BNIP2: variants seen among roughly 807,000 people sequenced by gnomAD.
The protein encoded by BNIP2 is BCL2 interacting protein 2.
Under a neutral mutation model 43.4 loss-of-function variants are expected in BNIP2, and 36 were observed. The observed-to-expected ratio is 0.83, with a 90% CI of 0.64 to 1.10. BNIP2 has a LOEUF of 1.10. Ranked by LOEUF, BNIP2 falls within the 50% of genes least tolerant of loss-of-function variation. The pLI is 0.00. For missense variants in BNIP2, 417 were observed against 374.1 expected (o/e 1.11, Z -0.95); for synonymous variants, 146 against 121.0 (o/e 1.21, Z -1.35).
rs1470006146 is a variant in BNIP2, at chr15:59,688,634, C to T, written c.-58+501G>A. 1.3e-5 allele frequency: 18 copies of T among 1,397,972 alleles called. No homozygotes were observed. In the Admixed American group the frequency reaches 1.6e-4, roughly 12 times the overall value. 86.6% of individuals were successfully genotyped at this position (1,397,972 alleles called of 1,614,324 possible). On this transcript the variant is annotated intron_variant, in intron 1 of 9. Transcript: ENST00000607373. Reference sequence around the variant, plus strand: ...ACGCGGGGACTCGGCTTTTGACGTACACACTCTGTATTTGGTTTAGCGTAC... The same window carrying T: ...ACGCGGGGACTCGGCTTTTGACGTATACACTCTGTATTTGGTTTAGCGTAC...
Position 59,679,632 on chromosome 15 carries a change from T to C in BNIP2, c.255A>G (p.Leu85=). 6.2e-7 allele frequency: 1 copy of C among 1,613,368 alleles called. No homozygotes were observed. Among genetic ancestry groups the C allele is most frequent in the Non-Finnish European group, 8.5e-7 (1 of 1,179,600 alleles). ...CATTACTATTCTCTGACGGTGTGTCTAAGCCATCTAAGTCAATCTCCCCAC... is the reference window on the plus strand; with the variant it reads ...CATTACTATTCTCTGACGGTGTGTCCAAGCCATCTAAGTCAATCTCCCCAC... ...DESGEIDLDG[L]DTPSENSNEF... Residue 85 remains leucine (L), a synonymous_variant, in exon 4 of 10, where the codon TTA becomes TTG. Transcript: ENST00000607373.
In BNIP2 at chr15:59,677,963, G is replaced by A. The variant is rs750194119; in HGVS notation, c.420C>T (p.His140=). 1 of 1,613,848 alleles carries A rather than the reference G, an allele frequency of 6.2e-7. No homozygotes were observed. Among genetic ancestry groups the A allele is most frequent in the Non-Finnish European group, 8.5e-7 (1 of 1,179,828 alleles). The change falls in exon 5 of 10, where the codon CAC becomes CAT. Residue 140 remains histidine, a synonymous_variant. Coordinates refer to ENST00000607373, the MANE Select transcript of BNIP2 (RefSeq NM_004330.4). The stretch of plus-strand genomic sequence containing the variant: ...GTTCAATTGCCTTCATATCAACCCT[G>A]TGGTCCTGTTCTCCAATCCTGAACA... ...WRMFRIGEQD[H]RVDMKAIEPY...
chr15:59,677,812 T>G, intron 5 of BNIP2, 99 bp downstream of exon 5: 21 of 1,426,334 alleles, frequency 1.5e-5, no homozygotes, highest in Non-Finnish European at 1.9e-5. Flanking sequence ...CTGTGTTCTG[T>G]ACAGGGCTTA....
intron 4 of BNIP2, chr15:59,678,358 T>A: frequency 8.6e-7 from 1 of 1,161,482 alleles, no homozygotes. Context: ...TCAGAAAATA[T>A]AATTTGTAGA....
At position 59,689,319 on chromosome 15, in the gene BNIP2, G is replaced by T. The variant is rs1283227834; in HGVS notation, c.-242C>A. 2 of 1,547,674 alleles carry T rather than the reference G, an allele frequency of 1.3e-6. No homozygotes were observed. The highest frequency in any genetic ancestry group is 2.0e-5 in the Admixed American group (1 of 50,930). On this transcript the variant is annotated 5_prime_UTR_variant, in exon 1 of 10. The change creates a new upstream start codon in the 5' untranslated region. Transcript: ENST00000607373. ...GGCGGCAGCAGCTGACCCGGACACA[G>T]TGAGAAGCCCCGGCGGAAGTGATAA...
rs1462943170 is a variant in BNIP2 at position 59,689,250 on chromosome 15, G to A, written c.-173C>T. ...CGGAGCCCGCTCCCCTCGGTCGGCGGTGGAGACCCCGGCCCAATCCCCCGG... is the reference window on the plus strand; with the variant it reads ...CGGAGCCCGCTCCCCTCGGTCGGCGATGGAGACCCCGGCCCAATCCCCCGG... On this transcript the variant is annotated 5_prime_UTR_variant, in exon 1 of 10. Transcript: ENST00000607373. 1.4e-5 allele frequency: 22 copies of A among 1,543,500 alleles called. No homozygotes were observed. Among genetic ancestry groups the A allele is most frequent in the Non-Finnish European group, 1.8e-5 (21 of 1,146,288 alleles).
rs7882 is a variant in BNIP2 at position 59,659,374 on chromosome 15, A to G, written c.*4695T>C. The G allele has an allele frequency of 0.56, 85,539 of 152,106 alleles. 24,725 individuals are homozygous for G. Among genetic ancestry groups the G allele is most frequent in the Middle Eastern group, 0.65 (189 of 292 alleles). The allele number at this position is 152,106 out of a possible 1,614,324, so 9.4% of individuals were successfully genotyped here. On this transcript the variant is annotated 3_prime_UTR_variant, in exon 10 of 10. Transcript: ENST00000607373. ...GGCTGGGCAACATCATCTTAAGAGT[A>G]GGAAAATATCACAGTACATTAATTT...
At position 59,660,918 on chromosome 15, in the gene BNIP2, G is replaced by A. The variant is rs1402032413; in HGVS notation, c.*3151C>T. Reference sequence around the variant, plus strand: ...AAATATGAATTCTTATCATGGGTATGTATTATCAACTTTTCCCCCTTCAAT... The same window carrying A: ...AAATATGAATTCTTATCATGGGTATATATTATCAACTTTTCCCCCTTCAAT... On this transcript the variant is annotated 3_prime_UTR_variant, in exon 10 of 10. Transcript: ENST00000607373. The A allele has an allele frequency of 2.0e-5, 3 of 152,344 alleles. No individual in the cohort carries two copies. The highest frequency in any genetic ancestry group is 1.9e-4 in the East Asian group (1 of 5,190). The allele number at this position is 152,344 out of a possible 1,614,324, so 9.4% of individuals were successfully genotyped here.
intron 7 of BNIP2, among the ~76,000 whole-genome samples, chr15:59,670,476 A>G (rs1892831740): frequency 6.6e-6 from 1 of 152,190 alleles, no homozygotes. Flanking sequence ...AGCACTATAA[A>G]TTAGGCAAAA....
chr15:59,684,065 C>T (rs6151469), intron 1 of BNIP2, among the ~76,000 whole-genome samples: 2,307 of 152,300 alleles, frequency 0.015, 28 homozygotes, highest in Non-Finnish European at 0.022. Flanking sequence ...GCCTTATGTT[C>T]CGTAATGACA....
chr15:59,688,428 C>T, intron 1 of BNIP2: 1 of 284,210 alleles, frequency 3.5e-6, no homozygotes, highest in Non-Finnish European at 6.8e-6. Flanking sequence ...AATGCAATCA[C>T]ATAGTTTATT....
At chr15:59,668,078 C>T (rs1418896851) in intron 9 of BNIP2, 1 of 1,292,122 alleles carries the variant, frequency 7.7e-7, no homozygotes, top group South Asian at 1.3e-5. Context: ...AGTCTAGATG[C>T]AACCCAGTCA....
intron 9 of BNIP2, among the ~76,000 whole-genome samples, chr15:59,666,824 C>G (rs1411484025): frequency 1.1e-5 from 1 of 90,912 alleles, no homozygotes; most frequent in Non-Finnish European, 2.4e-5. Flanking sequence ...TGGTTAAACA[C>G]AAGTAAAAAA....
At chr15:59,680,168 TGG>T in intron 3 of BNIP2, 71 bp downstream of exon 3, 1 of 1,188,310 alleles carries the variant, frequency 8.4e-7, no homozygotes, top group Non-Finnish European at 1.1e-6. Flanking sequence ...TTTTTTTTTT[TGG>T]ACAAAGAAAC....
At chr15:59,668,263 T>C in intron 9 of BNIP2, 2 of 443,796 alleles carry the variant, frequency 4.5e-6, no homozygotes, top group South Asian at 4.4e-5. Context: ...TACTACATGA[T>C]GTAGAAAGTA....
At chr15:59,678,786 T>C (rs747443020) in intron 4 of BNIP2, 242 of 1,302,958 alleles carry the variant, frequency 1.9e-4, no homozygotes, top group Non-Finnish European at 2.3e-4. Flanking sequence ...TGCATGTTAG[T>C]TGTTTCCAAG....
At chr15:59,679,953 C>T (rs867942369) in intron 3 of BNIP2, among the ~76,000 whole-genome samples, 185 bp from the exon 4 acceptor site, 9 of 152,138 alleles carry the variant, frequency 5.9e-5, no homozygotes, top group South Asian at 2.1e-4. Context: ...GGCAAGAGAT[C>T]AATAAAGTAT....
rs1893409920 is a variant in BNIP2, at chr15:59,677,925, A to C, written c.458T>G (p.Val153Gly). 1 of 1,607,024 alleles carries C rather than the reference A, an allele frequency of 6.2e-7. No individual in the cohort carries two copies. The highest frequency in any genetic ancestry group is 8.5e-7 in the Non-Finnish European group (1 of 1,177,922). Reference protein sequence around the residue: ...DMKAIEPYKKVISHGGYYGDG... With the variant: ...DMKAIEPYKKGISHGGYYGDG... The stretch of plus-strand genomic sequence containing the variant: ...GTAACTCTTACCCCCATGGCTGATA[A>C]CTTTTTTATAGGGTTCAATTGCCTT... The change falls in exon 5 of 10, where the codon GTT becomes GGT. Residue 153 changes from valine (V) to glycine (G), a missense_variant. Transcript: ENST00000607373.
At chr15:59,680,534 G>A (rs1407219930) in intron 2 of BNIP2, among the ~76,000 whole-genome samples, 2 of 151,968 alleles carry the variant, frequency 1.3e-5, no homozygotes, top group East Asian at 1.9e-4. Flanking sequence ...AGATCCTCCC[G>A]AGTATCTAAG....
Sources: allele counts gnomAD v4.1 joint callset (sites outside exome capture counted in the v4.1 genomes callset), GRCh38; gene constraint gnomAD v4.1.1; transcripts MANE v1.5; gene names NCBI Gene and HGNC (gene_info 2026-07-23, HGNC 2026-07-21).